The following CIMIP6 variants were observed in gnomAD, a reference collection of about 807,000 sequenced individuals.
CIMIP6 encodes the protein ciliary microtubule inner protein 6.
the CIMIP6 span, among the ~76,000 whole-genome samples, chr2:54,373,480 T>A: frequency 6.6e-6 from 1 of 152,122 alleles, no homozygotes; most frequent in African/African-American, 2.4e-5. Flanking sequence ...TGTGTGTCGC[T>A]TTTGCAACAC....
the CIMIP6 span, among the ~76,000 whole-genome samples, chr2:54,346,389 C>T: frequency 6.6e-6 from 1 of 152,152 alleles, no homozygotes; most frequent in Non-Finnish European, 1.5e-5. Context: ...AGGAACCAGT[C>T]TAAAAACCAA....
At chr2:54,364,483 G>A in the CIMIP6 span, among the ~76,000 whole-genome samples, 2 of 152,146 alleles carry the variant, frequency 1.3e-5, no homozygotes, top group Admixed American at 6.5e-5. Flanking sequence ...ATTATCTTAT[G>A]TGACTCTTAT....
the CIMIP6 span, among the ~76,000 whole-genome samples, chr2:54,332,204 A>T: frequency 6.6e-6 from 1 of 152,040 alleles, no homozygotes; most frequent in Non-Finnish European, 1.5e-5. Context: ...TTCATTTGCC[A>T]CCTTCACAAT....
chr2:54,331,144 TACA>T, the CIMIP6 span: 2 of 748,438 alleles, frequency 2.7e-6, no homozygotes, highest in Non-Finnish European at 4.4e-6. Flanking sequence ...GCTGAGCGCT[TACA>T]ACAATAATTT....
At chr2:54,366,214 A>G in the CIMIP6 span, among the ~76,000 whole-genome samples, 2 of 152,204 alleles carry the variant, frequency 1.3e-5, no homozygotes, top group Non-Finnish European at 2.9e-5. Context: ...ACTTCTAAAA[A>G]TGTCCTTGAA....
chr2:54,347,441 A>G, the CIMIP6 span, among the ~76,000 whole-genome samples: 2 of 152,222 alleles, frequency 1.3e-5, no homozygotes, highest in South Asian at 2.1e-4. Context: ...AATTTGATGA[A>G]CTGGTTAAAA....
the CIMIP6 span, among the ~76,000 whole-genome samples, chr2:54,370,677 A>G: frequency 6.6e-6 from 1 of 152,164 alleles, no homozygotes; most frequent in Non-Finnish European, 1.5e-5. Context: ...TTTAGGAGAA[A>G]GTTCTGTTGC....
the CIMIP6 span, among the ~76,000 whole-genome samples, chr2:54,378,641 C>T: frequency 4.2e-4 from 64 of 152,256 alleles, no homozygotes; most frequent in African/African-American, 1.5e-3. Context: ...TGCAGAGGTA[C>T]CGGTTCTAAC....
chr2:54,334,503 G>A, the CIMIP6 span, among the ~76,000 whole-genome samples: 1 of 152,180 alleles, frequency 6.6e-6, no homozygotes, highest in Non-Finnish European at 1.5e-5. Context: ...CCACACACGT[G>A]AGTACTGCAA....
chr2:54,383,886 C>T, the CIMIP6 span: 1 of 152,112 alleles, frequency 6.6e-6, no homozygotes, highest in Non-Finnish European at 1.5e-5. Flanking sequence ...TATAAAAGGA[C>T]AAGGTAGGCC....
the CIMIP6 span, chr2:54,359,194 A>G: frequency 3.0e-6 from 2 of 663,710 alleles, no homozygotes; most frequent in Admixed American, 6.6e-5. Context: ...AGTTATTAAT[A>G]GGATAGAATG....
chr2:54,341,439 G>A, the CIMIP6 span, among the ~76,000 whole-genome samples: 21 of 152,178 alleles, frequency 1.4e-4, no homozygotes, highest in Admixed American at 1.4e-3. Flanking sequence ...CCAGCCTACA[G>A]AATTGTGAGC....
At chr2:54,347,799 A>G in the CIMIP6 span, among the ~76,000 whole-genome samples, 1 of 152,082 alleles carries the variant, frequency 6.6e-6, no homozygotes, top group Non-Finnish European at 1.5e-5. Context: ...CCTGCCTCAG[A>G]GGTATGTGAT....
At chr2:54,342,096 C>A in the CIMIP6 span, among the ~76,000 whole-genome samples, 1 of 152,284 alleles carries the variant, frequency 6.6e-6, no homozygotes, top group East Asian at 1.9e-4. Flanking sequence ...ACCCCAGTTA[C>A]AATTACCAAT....
chr2:54,342,151 G>T, the CIMIP6 span, among the ~76,000 whole-genome samples: 1 of 152,098 alleles, frequency 6.6e-6, no homozygotes, highest in African/African-American at 2.4e-5. Flanking sequence ...CCTAAAAACT[G>T]GCACTCTTAT....
At chr2:54,373,155 A>G in the CIMIP6 span, among the ~76,000 whole-genome samples, 1 of 152,110 alleles carries the variant, frequency 6.6e-6, no homozygotes, top group Non-Finnish European at 1.5e-5. Context: ...AGCCTTGCTT[A>G]AAATTGTGTA....
chr2:54,353,103 C>T, the CIMIP6 span, among the ~76,000 whole-genome samples: 1 of 148,954 alleles, frequency 6.7e-6, no homozygotes, highest in Non-Finnish European at 1.5e-5. Flanking sequence ...TGTAGATCTC[C>T]TTGCAGTAGG....
chr2:54,349,198 A>C, the CIMIP6 span, among the ~76,000 whole-genome samples: 21 of 152,248 alleles, frequency 1.4e-4, no homozygotes, highest in Admixed American at 1.2e-3. Context: ...TGTAACAACA[A>C]TTTTTTGCTA....
At chr2:54,360,593 T>A in the CIMIP6 span, 1 of 1,448,782 alleles carries the variant, frequency 6.9e-7, no homozygotes. Flanking sequence ...ATCTAATCCC[T>A]GGAATATAGG....
Sources: gnomAD v4.1 joint callset for allele counts (sites outside exome capture counted in the v4.1 genomes callset) on GRCh38, gnomAD v4.1.1 for gene constraint, MANE v1.5 for transcripts, NCBI Gene and HGNC (gene_info 2026-07-23, HGNC 2026-07-21) for gene names.